CNTN4: variants seen among roughly 807,000 people sequenced by gnomAD.
CNTN4 encodes the protein contactin 4, also known as contactin-4.
Under a neutral mutation model 122.5 loss-of-function variants are expected in CNTN4, and 77 were observed. The ratio of observed to expected loss-of-function variants is 0.63; its 90% confidence interval spans 0.52 to 0.76. The LOEUF is 0.76. Ranked by LOEUF, CNTN4 falls within the 30% of genes least tolerant of loss-of-function variation. The probability of loss-of-function intolerance (pLI) is 0.00; values close to 1 mark genes in which losing one functional copy is unlikely to be tolerated. For synonymous variants in CNTN4, 512 were observed against 447.0 expected, an observed-to-expected ratio of 1.15 and a Z score of -1.83; for missense variants, 1,256 against 1,259.1, an observed-to-expected ratio of 1.00 and a Z score of 0.04.
intron 6 of CNTN4, among the ~76,000 whole-genome samples, chr3:2,761,753 A>G (rs2090602551): frequency 6.6e-6 from 1 of 152,052 alleles, no homozygotes; most frequent in African/African-American, 2.4e-5. Context: ...TATTAGCTTC[A>G]TTTTACTCTA....
intron 2 of CNTN4, among the ~76,000 whole-genome samples, chr3:2,274,784 C>A (rs1436679928): frequency 6.6e-6 from 1 of 152,162 alleles, no homozygotes; most frequent in African/African-American, 2.4e-5. Context: ...TACTGTCAAG[C>A]TTCCGAGTAA....
intron 7 of CNTN4, among the ~76,000 whole-genome samples, chr3:2,863,010 C>T (rs895581554): frequency 1.3e-5 from 2 of 152,166 alleles, no homozygotes; most frequent in Admixed American, 6.5e-5. Context: ...CTTTTTGGTG[C>T]TCCAGCCTAA....
intron 23 of CNTN4, among the ~76,000 whole-genome samples, chr3:3,053,120 T>C (rs163570): frequency 0.82 from 124,915 of 152,218 alleles, 51,534 homozygotes; most frequent in East Asian, 0.88. Context: ...CTGCAACGTC[T>C]GCCTCCCGGG....
intron 7 of CNTN4, among the ~76,000 whole-genome samples, chr3:2,846,321 G>C (rs1380174426): frequency 1.3e-5 from 2 of 152,174 alleles, no homozygotes; most frequent in African/African-American, 4.8e-5. Flanking sequence ...CATGAGATCT[G>C]ATGGTTTTAT....
rs138646276 is a variant in CNTN4 at position 2,910,585 on chromosome 3, C to A, written c.1207+7580C>A. On this transcript the variant is annotated intron_variant, in intron 12 of 24. Transcript: ENST00000418658. ...TTAATTTAACTCTATTGTATTAATT[C>A]TAGTGAGATTGTTTTCTACCCTTCC... Among the ~76,000 whole-genome samples, 503 of 152,256 alleles carry A rather than the reference C, an allele frequency of 3.3e-3. 2 individuals carry two copies. Among genetic ancestry groups the A allele is most frequent in the South Asian group, 0.017 (81 of 4,826 alleles).
intron 4 of CNTN4, among the ~76,000 whole-genome samples, chr3:2,717,169 G>T (rs2087545560): frequency 6.6e-6 from 1 of 152,134 alleles, no homozygotes; most frequent in Non-Finnish European, 1.5e-5. Flanking sequence ...GCTTTGAAAA[G>T]CCTGGTTTAA....
chr3:2,795,565 G>A (rs1034755571), intron 6 of CNTN4, among the ~76,000 whole-genome samples: 1 of 150,358 alleles, frequency 6.7e-6, no homozygotes, highest in East Asian at 2.0e-4. Flanking sequence ...CTGTCGCCCA[G>A]GCTGGAGTGC....
In CNTN4 at chr3:2,641,645, T is replaced by A. The variant is rs377431327; in HGVS notation, c.55+70087T>A. 4.6e-5 allele frequency among the ~76,000 whole-genome samples: 7 copies of A among 152,286 alleles called. No individual in the cohort carries two copies. The East Asian group carries it at 1.2e-3, about 25-fold the overall frequency. ...AATGACCCTAGTCTACATTCCTGGT[T>A]ATATATCATTACTCTAAATATCCCC... On this transcript the variant is annotated intron_variant, in intron 4 of 24. Transcript: ENST00000418658.
chr3:2,767,886 T>C, intron 6 of CNTN4, among the ~76,000 whole-genome samples: 1 of 152,236 alleles, frequency 6.6e-6, no homozygotes, highest in East Asian at 1.9e-4. Flanking sequence ...ATTTTTGTGT[T>C]TTTTTCCTTT....
chr3:2,866,419 A>G lies in CNTN4; in HGVS notation c.455-333A>G, dbSNP rs956765969. Reference sequence around the variant, plus strand: ...AGATTATAGGCACCCTGGGTCTGTAATTTGAGCATTACTCAATACATGTTA... The same window carrying G: ...AGATTATAGGCACCCTGGGTCTGTAGTTTGAGCATTACTCAATACATGTTA... On this transcript the variant is annotated intron_variant, in intron 7 of 24. Coordinates refer to ENST00000418658, the MANE Select transcript of CNTN4 (RefSeq NM_175607.3). The G allele has an allele frequency of 4.4e-6, 5 of 1,127,184 alleles. No individual in the cohort carries two copies. The African/African-American group carries it at 8.1e-5, about 18-fold the overall frequency. The allele number at this position is 1,127,184 out of a possible 1,614,324, so 69.8% of individuals were successfully genotyped here.
At chr3:2,714,858 C>T (rs1190889047) in intron 4 of CNTN4, among the ~76,000 whole-genome samples, 1 of 152,106 alleles carries the variant, frequency 6.6e-6, no homozygotes, top group Non-Finnish European at 1.5e-5. Flanking sequence ...CTTCCTTGGC[C>T]CCCAAAGCTC....
intron 3 of CNTN4, among the ~76,000 whole-genome samples, chr3:2,423,754 C>A (rs182344392): frequency 5.0e-4 from 76 of 152,010 alleles, no homozygotes; most frequent in Middle Eastern, 3.4e-3. Context: ...TCTTTTAATA[C>A]CCTGTTAATT....
intron 4 of CNTN4, among the ~76,000 whole-genome samples, chr3:2,590,126 A>G (rs1033941627): frequency 6.6e-6 from 1 of 152,222 alleles, no homozygotes; most frequent in Admixed American, 6.5e-5. Flanking sequence ...CCTACACAAC[A>G]TAATACGATT....
chr3:2,523,295 T>G (rs2077284177), intron 3 of CNTN4, among the ~76,000 whole-genome samples: 1 of 150,378 alleles, frequency 6.6e-6, no homozygotes, highest in South Asian at 2.1e-4. Context: ...GATTTCCCCT[T>G]AGTAACATTG....
At chr3:2,996,351 A>G (rs973807804) in intron 14 of CNTN4, among the ~76,000 whole-genome samples, 1 of 152,184 alleles carries the variant, frequency 6.6e-6, no homozygotes, top group Non-Finnish European at 1.5e-5. Context: ...ACATGGTCAG[A>G]TATTGCAGGC....
At chr3:3,053,515 T>C (rs1701477390) in intron 23 of CNTN4, among the ~76,000 whole-genome samples, 1 of 152,238 alleles carries the variant, frequency 6.6e-6, no homozygotes, top group Admixed American at 6.5e-5. Flanking sequence ...GAGCTACTCA[T>C]ATTTTCCACT....
At chr3:2,262,574 T>C (rs2149759670) in intron 2 of CNTN4, 1 of 152,192 alleles carries the variant, frequency 6.6e-6, no homozygotes, top group East Asian at 1.9e-4. Flanking sequence ...CAGTGGATTT[T>C]TGAGGTTCAC....
At chr3:2,810,037 G>C (rs193057169) in intron 6 of CNTN4, among the ~76,000 whole-genome samples, 17 of 152,298 alleles carry the variant, frequency 1.1e-4, no homozygotes, top group Middle Eastern at 3.4e-3. Flanking sequence ...GTGAAAAACT[G>C]TGAGAGTCTC....
At chr3:2,550,835 C>T (rs1403203834) in intron 3 of CNTN4, among the ~76,000 whole-genome samples, 1 of 152,076 alleles carries the variant, frequency 6.6e-6, no homozygotes, top group African/African-American at 2.4e-5. Flanking sequence ...TCATTCTCAG[C>T]CAACTAACAC....
Sources: gnomAD v4.1 joint callset for allele counts (sites outside exome capture counted in the v4.1 genomes callset) on GRCh38, gnomAD v4.1.1 for gene constraint, MANE v1.5 for transcripts, NCBI Gene and HGNC (gene_info 2026-07-23, HGNC 2026-07-21) for gene names.